LRP1B: variants seen among roughly 807,000 people sequenced by gnomAD.
LRP1B encodes LDL receptor related protein 1B.
LRP1B carries 217 observed loss-of-function variants against 556.6 expected under a neutral mutation model. That is an observed-to-expected ratio of 0.39 (90% confidence interval 0.35 to 0.44). LRP1B has a LOEUF of 0.44. Ranked by LOEUF, LRP1B falls within the 20% of genes least tolerant of loss-of-function variation. The pLI is 1.00. For synonymous variants in LRP1B, 2,047 were observed against 1,865.8 expected (o/e 1.10, Z -2.50); for missense variants, 5,053 against 5,620.8 (o/e 0.90, Z 3.23).
intron 3 of LRP1B, among the ~76,000 whole-genome samples, chr2:141,400,967 A>G (rs1005785698): frequency 1.3e-5 from 2 of 152,122 alleles, no homozygotes; most frequent in Non-Finnish European, 2.9e-5. Flanking sequence ...TCCTTTTCCA[A>G]TACTTAACTT....
At chr2:141,521,172 G>T (rs945931894) in intron 2 of LRP1B, among the ~76,000 whole-genome samples, 1 of 152,076 alleles carries the variant, frequency 6.6e-6, no homozygotes, top group Non-Finnish European at 1.5e-5. Flanking sequence ...CTTAAGAATG[G>T]CAGTTTCAGG....
intron 1 of LRP1B, among the ~76,000 whole-genome samples, chr2:141,893,871 T>C (rs1026279879): frequency 6.6e-6 from 1 of 152,246 alleles, no homozygotes; most frequent in Non-Finnish European, 1.5e-5. Flanking sequence ...ATCTGTATTA[T>C]AATGAAAGAT....
At chr2:140,410,028 T>C (rs1684905310) in intron 66 of LRP1B, among the ~76,000 whole-genome samples, 1 of 152,052 alleles carries the variant, frequency 6.6e-6, no homozygotes, top group African/African-American at 2.4e-5. Context: ...CTGCAACATA[T>C]CTGCATCAGA....
intron 33 of LRP1B, among the ~76,000 whole-genome samples, chr2:140,774,151 G>C (rs1208943094): frequency 6.6e-6 from 1 of 152,060 alleles, no homozygotes; most frequent in Non-Finnish European, 1.5e-5. Context: ...AAGCTTTTAC[G>C]CTACCTGCAG....
intron 6 of LRP1B, among the ~76,000 whole-genome samples, chr2:141,193,196 C>T (rs1352507072): frequency 1.3e-5 from 2 of 151,908 alleles, no homozygotes; most frequent in Non-Finnish European, 2.9e-5. Context: ...GAGCTAAAAG[C>T]AGAACTACCA....
At chr2:140,323,451 T>C (rs1291310038) in intron 81 of LRP1B, among the ~76,000 whole-genome samples, 1 of 151,916 alleles carries the variant, frequency 6.6e-6, no homozygotes. Context: ...TAAATTTCCT[T>C]CCTTAGATAG....
At chr2:141,013,820 T>C (rs1697824573) in intron 13 of LRP1B, 75 bp from the exon 14 acceptor site, 2 of 829,980 alleles carry the variant, frequency 2.4e-6, no homozygotes, top group South Asian at 2.6e-5. Context: ...GAGAAAGTGA[T>C]ATTCAATAAG....
rs995435732 is a variant in LRP1B, at chr2:141,684,067, C to T, written c.205+126212G>A. Among the ~76,000 whole-genome samples the T allele has an allele frequency of 5.9e-5, 9 of 151,870 alleles. No homozygotes were observed. The South Asian group carries it at 6.2e-4, about 11-fold the overall frequency. On this transcript the variant is annotated intron_variant, in intron 2 of 90. Coordinates refer to ENST00000389484, the MANE Select transcript of LRP1B (RefSeq NM_018557.3). Reference sequence around the variant, plus strand: ...TGGAAATTCCTCAAGGATCTAGTACCGGAAATACCATTTGACCCAGCAATC... The same window carrying T: ...TGGAAATTCCTCAAGGATCTAGTACTGGAAATACCATTTGACCCAGCAATC...
intron 2 of LRP1B, among the ~76,000 whole-genome samples, chr2:141,676,372 T>G (rs2105421811): frequency 6.6e-6 from 1 of 152,278 alleles, no homozygotes; most frequent in East Asian, 1.9e-4. Flanking sequence ...CAATGTCTTG[T>G]GGCCTCTAAT....
chr2:140,693,853 A>G (rs1337523601), intron 41 of LRP1B, among the ~76,000 whole-genome samples: 2 of 152,056 alleles, frequency 1.3e-5, no homozygotes, highest in Admixed American at 6.6e-5. Flanking sequence ...AATTGCAGGC[A>G]TACGACAACA....
chr2:141,553,828 TATATA>T (rs1235977515), intron 2 of LRP1B, among the ~76,000 whole-genome samples: 6 of 137,886 alleles, frequency 4.4e-5, no homozygotes, highest in Non-Finnish European at 6.1e-5. Context: ...TAGATATAGG[TATATA>T]ATATATCTAT....
intron 2 of LRP1B, among the ~76,000 whole-genome samples, chr2:141,648,320 T>A (rs1345659004): frequency 6.6e-6 from 1 of 152,164 alleles, no homozygotes; most frequent in Non-Finnish European, 1.5e-5. Flanking sequence ...AGAAAAAACA[T>A]AAAATTATTG....
At chr2:141,639,304 GTATA>G (rs577532316) in intron 2 of LRP1B, among the ~76,000 whole-genome samples, 1,151 of 58,260 alleles carry the variant, frequency 0.02, 42 homozygotes, top group African/African-American at 0.045. Flanking sequence ...CATCATGTGT[GTATA>G]TATATATATA....
At chr2:140,946,978 C>T (rs1479889091) in intron 20 of LRP1B, among the ~76,000 whole-genome samples, 2 of 152,090 alleles carry the variant, frequency 1.3e-5, no homozygotes, top group African/African-American at 4.8e-5. Context: ...ACCTTTGGTA[C>T]ACGTGAACAT....
rs115525705 is a variant in LRP1B at position 141,657,455 on chromosome 2, C to T, written c.205+152824G>A. Among the ~76,000 whole-genome samples, 323 of 152,114 alleles carry T rather than the reference C, an allele frequency of 2.1e-3. 2 individuals are homozygous for T. Among genetic ancestry groups the T allele is most frequent in the African/African-American group, 7.2e-3 (297 of 41,516 alleles). On this transcript the variant is annotated intron_variant, in intron 2 of 90. Coordinates refer to ENST00000389484, the MANE Select transcript of LRP1B (RefSeq NM_018557.3). The stretch of plus-strand genomic sequence containing the variant: ...GAGTCCCTATTATGAATAGCAATTG[C>T]CATTAAATGAATTATATTCTATAGG...
intron 1 of LRP1B, among the ~76,000 whole-genome samples, chr2:141,870,073 G>T (rs181850134): frequency 6.6e-6 from 1 of 151,856 alleles, no homozygotes; most frequent in African/African-American, 2.4e-5. Flanking sequence ...CATAACATTT[G>T]TTAAATGAGG....
At chr2:142,065,129 T>C (rs867463406) in intron 1 of LRP1B, among the ~76,000 whole-genome samples, 1 of 151,518 alleles carries the variant, frequency 6.6e-6, no homozygotes, top group African/African-American at 2.4e-5. Context: ...TATATAACTA[T>C]CCCTTTAAGC....
chr2:140,970,735 T>C lies in LRP1B; in HGVS notation c.2887+11425A>G, dbSNP rs1343700628. On this transcript the variant is annotated intron_variant, in intron 18 of 90. Transcript: ENST00000389484. The stretch of plus-strand genomic sequence containing the variant: ...TAACCTTTTTTTTTTTTTTTTTTTT[T>C]TTTTTTTTTTTTTTTTTTTTTTTGA... Among the ~76,000 whole-genome samples, 223 of 28,582 alleles carry C rather than the reference T, an allele frequency of 7.8e-3. 25 individuals are homozygous for C. The highest frequency in any genetic ancestry group is 0.016 in the Middle Eastern group (1 of 64). The allele number at this position is 28,582 out of a possible 152,430, so 18.8% of individuals were successfully genotyped here. A position where few individuals can be genotyped will look rare whatever the true frequency, so the allele number is the denominator to read the frequency against.
At chr2:140,440,158 G>C (rs1686363399) in intron 66 of LRP1B, among the ~76,000 whole-genome samples, 1 of 152,134 alleles carries the variant, frequency 6.6e-6, no homozygotes, top group African/African-American at 2.4e-5. Flanking sequence ...GAAGTAAGAG[G>C]TAACAACTAG....
Sources: gnomAD v4.1 joint callset for allele counts (sites outside exome capture counted in the v4.1 genomes callset) on GRCh38, gnomAD v4.1.1 for gene constraint, MANE v1.5 for transcripts, NCBI Gene and HGNC (gene_info 2026-07-23, HGNC 2026-07-21) for gene names.